CAMK1D: variants seen among roughly 807,000 people sequenced by gnomAD.
The protein encoded by CAMK1D is calcium/calmodulin dependent protein kinase ID, also known as calcium/calmodulin-dependent protein kinase type 1D.
In CAMK1D, 9 loss-of-function variants were observed where a neutral mutation model predicts 47.7. That is an observed-to-expected ratio of 0.19 (90% CI 0.11 to 0.33). The LOEUF is 0.33. CAMK1D is among the 10% of genes least tolerant of loss of function. The pLI is 1.00. For missense variants in CAMK1D, 291 were observed against 488.7 expected (o/e 0.60, Z 3.81); for synonymous variants, 184 against 184.9 (o/e 0.99, Z 0.04).
chr10:12,694,131 ATT>A (rs1167276193), intron 3 of CAMK1D, among the ~76,000 whole-genome samples: 1 of 24,140 alleles, frequency 4.1e-5, no homozygotes, highest in Non-Finnish European at 7.4e-5. Context: ...CATAATATAT[ATT>A]ATATATAATA....
intron 1 of CAMK1D, among the ~76,000 whole-genome samples, chr10:12,449,849 A>G (rs1833030992): frequency 6.6e-6 from 1 of 152,088 alleles, no homozygotes. Flanking sequence ...AAATATAGAA[A>G]TTATCTGGGC....
intron 3 of CAMK1D, among the ~76,000 whole-genome samples, chr10:12,676,368 G>A (rs866061435): frequency 2.0e-5 from 3 of 152,060 alleles, no homozygotes; most frequent in African/African-American, 2.4e-5. Flanking sequence ...AGCAACTCCC[G>A]CCACCACCTC....
intron 8 of CAMK1D, among the ~76,000 whole-genome samples, chr10:12,822,479 G>C (rs891239770): frequency 2.0e-5 from 3 of 152,256 alleles, no homozygotes; most frequent in African/African-American, 7.2e-5. Flanking sequence ...GGGACACAGA[G>C]TATAGGCAGC....
At chr10:12,663,143 T>C (rs1840327016) in intron 2 of CAMK1D, among the ~76,000 whole-genome samples, 1 of 151,566 alleles carries the variant, frequency 6.6e-6, no homozygotes, top group East Asian at 2.0e-4. Context: ...GTATTTTTAG[T>C]AGGAATGGGG....
Position 12,426,536 on chromosome 10 carries a change from T to C in CAMK1D, c.92+76626T>C, listed in dbSNP as rs574737017. 3.3e-5 allele frequency among the ~76,000 whole-genome samples: 5 copies of C among 152,186 alleles called. 1 individual carries two copies. The South Asian group carries it at 1.0e-3, about 32-fold the overall frequency. On this transcript the variant is annotated intron_variant, in intron 1 of 10. Transcript: ENST00000619168. ...CTGGGATTACAGGCGTGAGCCACCA[T>C]GCCCAGCTGGGAATTTTTTCTTTTT...
At chr10:12,768,055 TAG>T (rs1359909332) in intron 4 of CAMK1D, among the ~76,000 whole-genome samples, 17 of 152,280 alleles carry the variant, frequency 1.1e-4, no homozygotes, top group African/African-American at 3.9e-4. Context: ...GTATTTTTAG[TAG>T]AGACGGGGTT....
intron 2 of CAMK1D, among the ~76,000 whole-genome samples, chr10:12,618,125 C>G (rs75328076): frequency 6.6e-6 from 1 of 152,134 alleles, no homozygotes; most frequent in South Asian, 2.1e-4. Context: ...GATTAGCAGC[C>G]GATTCAGGGC....
chr10:12,588,664 ACT>A (rs1158383794), intron 2 of CAMK1D, among the ~76,000 whole-genome samples: 1 of 151,710 alleles, frequency 6.6e-6, no homozygotes, highest in Non-Finnish European at 1.5e-5. Context: ...AGGGCGGAAG[ACT>A]CTGTTGTACC....
intron 2 of CAMK1D, among the ~76,000 whole-genome samples, chr10:12,582,297 G>A (rs2132340727): frequency 6.6e-6 from 1 of 152,230 alleles, no homozygotes; most frequent in Non-Finnish European, 1.5e-5. Context: ...TGGCCTTATA[G>A]TATAGTTTGA....
intron 5 of CAMK1D, among the ~76,000 whole-genome samples, chr10:12,772,749 A>C (rs1409121674): frequency 6.6e-6 from 1 of 152,066 alleles, no homozygotes; most frequent in Non-Finnish European, 1.5e-5. Flanking sequence ...GTCCTGGAGG[A>C]GGCTGGGGGA....
chr10:12,788,426 G>C (rs759582874), intron 5 of CAMK1D, among the ~76,000 whole-genome samples: 2 of 152,230 alleles, frequency 1.3e-5, no homozygotes, highest in Non-Finnish European at 2.9e-5. Context: ...AGATTCTTGT[G>C]ATCTGGAACC....
At chr10:12,674,665 T>A (rs1175821854) in intron 3 of CAMK1D, among the ~76,000 whole-genome samples, 1 of 143,646 alleles carries the variant, frequency 7.0e-6, no homozygotes, top group Non-Finnish European at 1.5e-5. Flanking sequence ...AGGAAGTCAT[T>A]ATGACATAGG....
chr10:12,753,206 C>T (rs57865422), intron 3 of CAMK1D, among the ~76,000 whole-genome samples: 32,189 of 152,178 alleles, frequency 0.21, 3,494 homozygotes, highest in East Asian at 0.29. Context: ...GAGCAGAGAT[C>T]GTGCCACTGC....
chr10:12,365,615 T>G (rs1430686701), intron 1 of CAMK1D, among the ~76,000 whole-genome samples: 1 of 151,906 alleles, frequency 6.6e-6, no homozygotes, highest in Non-Finnish European at 1.5e-5. Flanking sequence ...ATTTTTTGTA[T>G]TTTTAGTAGA....
At chr10:12,649,418 A>C (rs1839899719) in intron 2 of CAMK1D, among the ~76,000 whole-genome samples, 2 of 152,236 alleles carry the variant, frequency 1.3e-5, no homozygotes, top group Admixed American at 6.5e-5. Context: ...ATATGGGTTA[A>C]GGCTGGTCCC....
intron 1 of CAMK1D, among the ~76,000 whole-genome samples, chr10:12,442,161 G>A (rs114958240): frequency 0.011 from 1,657 of 152,244 alleles, 23 homozygotes; most frequent in African/African-American, 0.038. Flanking sequence ...ACCTATGAAG[G>A]TAGTCTTTCT....
chr10:12,629,839 C>T (rs1313734966), intron 2 of CAMK1D, among the ~76,000 whole-genome samples: 2 of 152,224 alleles, frequency 1.3e-5, no homozygotes, highest in Admixed American at 6.5e-5. Context: ...CGAGTGGGTC[C>T]TGACCCTGTG....
At chr10:12,459,792 T>C (rs1444862249) in intron 1 of CAMK1D, among the ~76,000 whole-genome samples, 1 of 152,258 alleles carries the variant, frequency 6.6e-6, no homozygotes, top group Non-Finnish European at 1.5e-5. Context: ...TCTCTGTCTC[T>C]TTGGGTTCAA....
intron 2 of CAMK1D, among the ~76,000 whole-genome samples, chr10:12,592,755 C>T (rs930916227): frequency 5.9e-5 from 9 of 152,176 alleles, no homozygotes; most frequent in South Asian, 2.1e-4. Context: ...CTATTTCTCC[C>T]GTGGCTACTA....
Sources: gnomAD v4.1 joint callset for allele counts (sites outside exome capture counted in the v4.1 genomes callset) on GRCh38, gnomAD v4.1.1 for gene constraint, MANE v1.5 for transcripts, NCBI Gene and HGNC (gene_info 2026-07-23, HGNC 2026-07-21) for gene names.